Variants in ENOX1 observed in about 807,000 individuals in gnomAD.
ENOX1 encodes candidate growth-related and time keeping constitutive hydroquinone (NADH) oxidase.
ENOX1 carries 42 observed loss-of-function variants against 82.5 expected under a neutral mutation model. That is an observed-to-expected ratio of 0.51 (90% CI 0.40 to 0.66). ENOX1 has a LOEUF of 0.66. Among genes scored for constraint, ENOX1 ranks in the 30% least tolerant of loss-of-function variants. The pLI is 0.00. For missense variants in ENOX1, 608 were observed against 811.6 expected, an observed-to-expected ratio of 0.75 and a Z score of 3.05; for synonymous variants, 271 against 282.2, an observed-to-expected ratio of 0.96 and a Z score of 0.40.
intron 2 of ENOX1, among the ~76,000 whole-genome samples, chr13:43,653,358 C>T (rs1162394277): frequency 1.3e-5 from 2 of 152,218 alleles, no homozygotes; most frequent in African/African-American, 2.4e-5. Context: ...AATGTTACAG[C>T]AGAGATCTAC....
rs571740478 is a variant in ENOX1, at chr13:43,559,195, T to A, written c.-218-75043A>T. On this transcript the variant is annotated intron_variant, in intron 2 of 16. Transcript: ENST00000690772. ...GGAAGCAGGGGAACAGCATTTAGAG[T>A]TAGACAGCCCTATGGCCTGCTGAAT... Among the ~76,000 whole-genome samples, 5 of 152,304 alleles carry A rather than the reference T, an allele frequency of 3.3e-5. No homozygotes were observed. The South Asian group carries it at 6.2e-4, about 19-fold the overall frequency.
At chr13:43,424,480 C>T (rs1490273556) in intron 3 of ENOX1, among the ~76,000 whole-genome samples, 1 of 152,132 alleles carries the variant, frequency 6.6e-6, no homozygotes, top group African/African-American at 2.4e-5. Flanking sequence ...CAGATCAGAC[C>T]AAGACCAGCC....
chr13:43,398,183 G>A (rs2053267564), intron 5 of ENOX1, among the ~76,000 whole-genome samples: 1 of 152,192 alleles, frequency 6.6e-6, no homozygotes, highest in Admixed American at 6.5e-5. Context: ...CACAGTGCTG[G>A]AGCATAGCAG....
chr13:43,750,257 A>C (rs1338025109), intron 1 of ENOX1, among the ~76,000 whole-genome samples: 4 of 152,208 alleles, frequency 2.6e-5, no homozygotes, highest in African/African-American at 9.6e-5. Flanking sequence ...AAAGATTATC[A>C]GGAAGTGGAA....
chr13:43,742,809 G>T (rs986606152), intron 1 of ENOX1, among the ~76,000 whole-genome samples: 1 of 152,160 alleles, frequency 6.6e-6, no homozygotes, highest in South Asian at 2.1e-4. Context: ...GTAGGTGTGA[G>T]ATAAAGAAAG....
At chr13:43,408,147 G>A (rs1430011432) in intron 5 of ENOX1, among the ~76,000 whole-genome samples, 2 of 152,162 alleles carry the variant, frequency 1.3e-5, no homozygotes, top group Non-Finnish European at 2.9e-5. Flanking sequence ...TGAAAGGGGA[G>A]GGAAGTGGAA....
chr13:43,491,298 C>A (rs1369489642), intron 2 of ENOX1, among the ~76,000 whole-genome samples: 1 of 152,152 alleles, frequency 6.6e-6, no homozygotes, highest in African/African-American at 2.4e-5. Flanking sequence ...ATCCCATCAC[C>A]TCCTACCAGG....
intron 3 of ENOX1, among the ~76,000 whole-genome samples, chr13:43,414,179 GAGC>G (rs1163232413): frequency 6.6e-6 from 1 of 152,108 alleles, no homozygotes; most frequent in Middle Eastern, 3.2e-3. Context: ...CTGATCAGTT[GAGC>G]AGAAGTTTAA....
chr13:43,394,333 G>A (rs911042330), intron 5 of ENOX1, among the ~76,000 whole-genome samples: 5 of 152,154 alleles, frequency 3.3e-5, no homozygotes, highest in African/African-American at 9.7e-5. Flanking sequence ...ATGGCATCCC[G>A]AACTTGGCAT....
intron 3 of ENOX1, among the ~76,000 whole-genome samples, chr13:43,416,126 G>GAT (rs1327310062): frequency 2.1e-5 from 3 of 140,146 alleles, no homozygotes; most frequent in African/African-American, 5.8e-5. Context: ...CTTCCCAGAC[G>GAT]GGGTGGCCAG....
chr13:43,548,187 G>A (rs2079046732), intron 2 of ENOX1: 2 of 152,252 alleles, frequency 1.3e-5, no homozygotes, highest in South Asian at 4.2e-4. Context: ...TATTTCAGAA[G>A]GCATAGTTAT....
At chr13:43,711,581 T>G (rs2087719119) in intron 1 of ENOX1, among the ~76,000 whole-genome samples, 1 of 152,022 alleles carries the variant, frequency 6.6e-6, no homozygotes, top group Non-Finnish European at 1.5e-5. Context: ...CTCCAGCACC[T>G]GTTGTTTCCT....
chr13:43,312,043 T>G (rs1316843752), intron 11 of ENOX1, among the ~76,000 whole-genome samples: 5 of 152,264 alleles, frequency 3.3e-5, no homozygotes, highest in Non-Finnish European at 7.3e-5. Flanking sequence ...TGTTGTAGAT[T>G]AAGTTGTGCC....
intron 11 of ENOX1, among the ~76,000 whole-genome samples, chr13:43,315,589 C>G (rs1031198643): frequency 1.3e-5 from 2 of 152,212 alleles, no homozygotes; most frequent in Admixed American, 1.3e-4. Context: ...TCCAACAACA[C>G]TGTGTTAATT....
At chr13:43,490,211 G>A (rs1035340110) in intron 2 of ENOX1, among the ~76,000 whole-genome samples, 2 of 152,126 alleles carry the variant, frequency 1.3e-5, no homozygotes, top group Admixed American at 1.3e-4. Flanking sequence ...CAAAGTGCTG[G>A]GATTGCAGGC....
chr13:43,403,353 A>C (rs1246820265), intron 5 of ENOX1, among the ~76,000 whole-genome samples: 1 of 152,248 alleles, frequency 6.6e-6, no homozygotes, highest in Non-Finnish European at 1.5e-5. Flanking sequence ...ATGGAATAGA[A>C]AAGTGACTAT....
chr13:43,607,520 C>T (rs117790197), intron 2 of ENOX1, among the ~76,000 whole-genome samples: 1,868 of 152,108 alleles, frequency 0.012, 21 homozygotes, highest in South Asian at 0.025. Flanking sequence ...TTAAGTCTGG[C>T]CATATAGAAA....
chr13:43,735,445 C>T (rs1287326513), intron 1 of ENOX1, among the ~76,000 whole-genome samples: 1 of 152,134 alleles, frequency 6.6e-6, no homozygotes, highest in Non-Finnish European at 1.5e-5. Flanking sequence ...GTGGGCCAGG[C>T]ATGGTGGCTC....
At chr13:43,772,919 A>G (rs1951728949) in intron 1 of ENOX1, among the ~76,000 whole-genome samples, 1 of 152,150 alleles carries the variant, frequency 6.6e-6, no homozygotes. Context: ...ATAGATCTGA[A>G]TAGTGTATGG....
Sources: gnomAD v4.1 joint callset for allele counts (sites outside exome capture counted in the v4.1 genomes callset) on GRCh38, gnomAD v4.1.1 for gene constraint, MANE v1.5 for transcripts, NCBI Gene and HGNC (gene_info 2026-07-23, HGNC 2026-07-21) for gene names.